Variants in CSMD2 observed in about 807,000 individuals in gnomAD.
CSMD2 encodes CUB and Sushi multiple domains 2, also known as CUB and sushi domain-containing protein 2.
A neutral mutation model predicts 398.5 loss-of-function variants in CSMD2; 130 were observed. The ratio of observed to expected loss-of-function variants is 0.33; its 90% CI spans 0.28 to 0.38. The LOEUF (loss-of-function observed/expected upper bound fraction) is 0.38, where lower values mean the gene tolerates loss of function less well. Ranked by LOEUF, CSMD2 falls within the 10% of genes least tolerant of loss-of-function variation. The pLI is 1.00. For missense variants in CSMD2, 3,829 were observed against 4,764.9 expected, an observed-to-expected ratio of 0.80 and a Z score of 5.78; for synonymous variants, 1,828 against 1,908.5, an observed-to-expected ratio of 0.96 and a Z score of 1.10.
chr1:33,888,030 T>TA (rs904098993), intron 5 of CSMD2, among the ~76,000 whole-genome samples: 1 of 151,760 alleles, frequency 6.6e-6, no homozygotes, highest in Non-Finnish European at 1.5e-5. Context: ...ATAAAAACTA[T>TA]AAAAGGACCT....
chr1:33,769,616 C>G (rs1480753584), intron 13 of CSMD2, among the ~76,000 whole-genome samples: 1 of 152,138 alleles, frequency 6.6e-6, no homozygotes, highest in Admixed American at 6.5e-5. Flanking sequence ...TCTCTGCTTG[C>G]TACAGAAAAT....
At chr1:33,919,995 T>C (rs920034407) in intron 4 of CSMD2, among the ~76,000 whole-genome samples, 2 of 152,066 alleles carry the variant, frequency 1.3e-5, no homozygotes, top group Non-Finnish European at 2.9e-5. Flanking sequence ...ATTAACTCTA[T>C]AGTAAATGAG....
intron 1 of CSMD2, among the ~76,000 whole-genome samples, chr1:34,142,787 A>C (rs1299747901): frequency 2.0e-5 from 3 of 152,088 alleles, no homozygotes; most frequent in Non-Finnish European, 4.4e-5. Context: ...TCTCTTACGG[A>C]CCTGTTTTAA....
At chr1:33,527,980 T>A (rs1008314098) in intron 64 of CSMD2, among the ~76,000 whole-genome samples, 1 of 152,066 alleles carries the variant, frequency 6.6e-6, no homozygotes, top group Non-Finnish European at 1.5e-5. Context: ...CCCTCGACTT[T>A]GCTTTTCTTC....
chr1:33,781,405 T>G (rs191550797), intron 12 of CSMD2, among the ~76,000 whole-genome samples: 81 of 152,306 alleles, frequency 5.3e-4, no homozygotes, highest in African/African-American at 1.9e-3. Flanking sequence ...GACTATGAAT[T>G]AGGTGAAGGC....
At chr1:34,145,406 T>C (rs1351505917) in intron 1 of CSMD2, among the ~76,000 whole-genome samples, 1 of 152,210 alleles carries the variant, frequency 6.6e-6, no homozygotes, top group Non-Finnish European at 1.5e-5. Flanking sequence ...CACTCGGCCA[T>C]GGCTTTGCCC....
At chr1:34,104,336 A>G (rs545904595) in intron 1 of CSMD2, among the ~76,000 whole-genome samples, 9 of 152,358 alleles carry the variant, frequency 5.9e-5, no homozygotes, top group African/African-American at 1.9e-4. Flanking sequence ...TTTTAGGTAC[A>G]CAATCATGTT....
chr1:33,611,316 A>G (rs1462260147), intron 40 of CSMD2, 66 bp from the exon 41 acceptor site: 6 of 1,370,054 alleles, frequency 4.4e-6, no homozygotes, highest in Middle Eastern at 2.3e-4. Context: ...GTGCTGCCTC[A>G]TGAAAGCAGC....
chr1:33,691,074 G>A (rs367840405), intron 25 of CSMD2, among the ~76,000 whole-genome samples: 1 of 152,126 alleles, frequency 6.6e-6, no homozygotes, highest in African/African-American at 2.4e-5. Flanking sequence ...GGAGGGAGGA[G>A]GGCGTTCCAG....
intron 6 of CSMD2, among the ~76,000 whole-genome samples, chr1:33,831,682 G>A (rs1047069766): frequency 2.6e-5 from 4 of 152,010 alleles, no homozygotes; most frequent in African/African-American, 7.3e-5. Context: ...AAATGTAAAT[G>A]GACTAAATGC....
At chr1:33,860,622 T>C (rs968638839) in intron 5 of CSMD2, 1 of 152,206 alleles carries the variant, frequency 6.6e-6, no homozygotes, top group Non-Finnish European at 1.5e-5. Context: ...ATTTGTTTAA[T>C]CCTCATGGCT....
At chr1:33,725,570 A>T (rs1156831751) in intron 16 of CSMD2, 34 bp from the exon 17 acceptor site, 1 of 1,603,266 alleles carries the variant, frequency 6.2e-7, no homozygotes, top group Non-Finnish European at 8.5e-7. Context: ...CTTCTTGAGA[A>T]ATCCAAGCTT....
Position 34,089,083 on chromosome 1 carries a change from C to T in CSMD2, c.298G>A (p.Glu100Lys). Reference protein sequence around the residue: ...ANCTWTITAEEQHRIQLVFQS... With the variant: ...ANCTWTITAEKQHRIQLVFQS... ...AACACAAGCTGGATTCTGTGCTGCT[C>T]TTCCGCGGTGATGGTCCACGTGCAG... Residue 100 changes from glutamate (E) to lysine (K), a missense_variant, in exon 2 of 71, where the codon GAG becomes AAG. This residue lies in a region of CSMD2 where 184 missense variants were observed against 217.7 expected (regional missense o/e 0.85). Transcript: ENST00000373381. The T allele has an allele frequency of 1.2e-6, 2 of 1,614,226 alleles. No individual in the cohort carries two copies. The highest frequency in any genetic ancestry group is 3.3e-5 in the Admixed American group (2 of 60,032).
chr1:33,731,040 A>T (rs1273510308), intron 15 of CSMD2, among the ~76,000 whole-genome samples: 2 of 152,190 alleles, frequency 1.3e-5, no homozygotes, highest in Non-Finnish European at 2.9e-5. Context: ...ATGTTAGGCC[A>T]ACTTCAAAAG....
chr1:33,685,895 T>G (rs149764505), intron 25 of CSMD2, among the ~76,000 whole-genome samples: 1 of 152,360 alleles, frequency 6.6e-6, no homozygotes, highest in East Asian at 1.9e-4. Flanking sequence ...TGTTTCCGAC[T>G]GCACAGCATC....
intron 5 of CSMD2, among the ~76,000 whole-genome samples, chr1:33,893,837 C>G (rs1185718378): frequency 6.6e-6 from 1 of 152,198 alleles, no homozygotes; most frequent in Non-Finnish European, 1.5e-5. Context: ...CCCTGATTTT[C>G]CAAATCTCAA....
At chr1:33,730,770 G>A (rs1301326862) in intron 15 of CSMD2, among the ~76,000 whole-genome samples, 1 of 152,086 alleles carries the variant, frequency 6.6e-6, no homozygotes, top group African/African-American at 2.4e-5. Flanking sequence ...AGTGAAAGGA[G>A]ATATGGATAT....
chr1:33,718,624 C>A (rs1193713748), intron 19 of CSMD2, among the ~76,000 whole-genome samples: 2 of 152,202 alleles, frequency 1.3e-5, no homozygotes, highest in Admixed American at 6.5e-5. Context: ...GGGGGACTTA[C>A]TAGAATTGCA....
At chr1:33,584,681 A>G (rs1638957691) in intron 46 of CSMD2, among the ~76,000 whole-genome samples, 1 of 135,536 alleles carries the variant, frequency 7.4e-6, no homozygotes, top group Non-Finnish European at 1.7e-5. Context: ...AAATATATCT[A>G]TATACATATA....
Sources: gnomAD v4.1 joint callset for allele counts (sites outside exome capture counted in the v4.1 genomes callset) on GRCh38, gnomAD v4.1.1 for gene constraint, gnomAD v4.1.1 regional missense constraint, MANE v1.5 for transcripts, NCBI Gene and HGNC (gene_info 2026-07-23, HGNC 2026-07-21) for gene names.